SLAIN1: variants seen among roughly 807,000 people sequenced by gnomAD.
SLAIN1 encodes SLAIN family member 1, also known as SLAIN motif-containing protein 1.
Under a neutral mutation model 55.4 loss-of-function variants are expected in SLAIN1, and 17 were observed. The ratio of observed to expected loss-of-function variants is 0.31; its 90% CI spans 0.21 to 0.46. The LOEUF (loss-of-function observed/expected upper bound fraction) is 0.46. Among genes scored for constraint, SLAIN1 ranks in the 20% least tolerant of loss-of-function variants. The pLI, the probability that SLAIN1 is intolerant of heterozygous loss-of-function variation, is 1.00. For missense variants in SLAIN1, 682 were observed against 785.1 expected (o/e 0.87, Z 1.57); for synonymous variants, 348 against 337.4 (o/e 1.03, Z -0.35).
At chr13:77,700,578 T>C (rs1236961640) in intron 1 of SLAIN1, among the ~76,000 whole-genome samples, 1 of 152,212 alleles carries the variant, frequency 6.6e-6, no homozygotes, top group East Asian at 1.9e-4. Context: ...GCATTGCAAA[T>C]CTTTTTGATG....
At chr13:77,734,413 T>A (rs971004180) in intron 2 of SLAIN1, among the ~76,000 whole-genome samples, 3 of 152,204 alleles carry the variant, frequency 2.0e-5, no homozygotes, top group African/African-American at 7.2e-5. Flanking sequence ...AAGCAGGATT[T>A]GCTTCACTTA....
chr13:77,760,863 A>T lies in SLAIN1; in HGVS notation c.1450A>T (p.Ser484Cys). The T allele has an allele frequency of 1.9e-6, 3 of 1,614,044 alleles. No individual in the cohort carries two copies. The highest frequency in any genetic ancestry group is 8.5e-7 in the Non-Finnish European group (1 of 1,180,018). Residue 484 changes from serine to cysteine, a missense_variant, in exon 6 of 7, where the codon AGC (serine) becomes TGC (cysteine). By Grantham distance (112) the Ser-to-Cys change is moderately radical. Transcript: ENST00000418532. ...GGGACAGCTTCAACACAGGGTCCACAGCGTGGGGCATTTCCCAGTGTCTAT... is the reference window on the plus strand; with the variant it reads ...GGGACAGCTTCAACACAGGGTCCACTGCGTGGGGCATTTCCCAGTGTCTAT... ...SPGQLQHRVH[S>C]VGHFPVSIRQ...
At chr13:77,753,424 G>A in intron 5 of SLAIN1, 66 bp downstream of exon 5, 4 of 916,474 alleles carry the variant, frequency 4.4e-6, no homozygotes, top group Non-Finnish European at 5.7e-6. Context: ...ATTTTTAATT[G>A]TAAGGAAAAT....
chr13:77,735,503 T>A (rs1416080498), intron 2 of SLAIN1, among the ~76,000 whole-genome samples: 1 of 152,184 alleles, frequency 6.6e-6, no homozygotes, highest in Non-Finnish European at 1.5e-5. Flanking sequence ...TATCTGTTTT[T>A]CTGCCTGTTC....
intron 2 of SLAIN1, among the ~76,000 whole-genome samples, chr13:77,728,096 G>T (rs1161690567): frequency 6.6e-6 from 1 of 152,082 alleles, no homozygotes; most frequent in Non-Finnish European, 1.5e-5. Flanking sequence ...AATCTCTTTA[G>T]TTGGTTGTTT....
chr13:77,714,351 C>G (rs1220791814), intron 1 of SLAIN1, among the ~76,000 whole-genome samples: 1 of 152,062 alleles, frequency 6.6e-6, no homozygotes, highest in East Asian at 1.9e-4. Context: ...GTGGGTCACA[C>G]CTGTAATCCC....
intron 2 of SLAIN1, chr13:77,743,600 T>C (rs1873605142): frequency 6.5e-6 from 1 of 153,200 alleles, no homozygotes; most frequent in Non-Finnish European, 1.5e-5. Context: ...CATTTTCTTA[T>C]TTTTCTCAGC....
At position 77,748,398 on chromosome 13, in the gene SLAIN1, C is replaced by CTTT. The variant is rs934265928; in HGVS notation, c.1258+1567_1258+1569dup. The stretch of plus-strand genomic sequence containing the variant: ...GGCACCTAGAGTTATTTCTCTAAAG[C>CTTT]TTTTTTTTTTTTTTTTTTTTTTTTT... On this transcript the variant is annotated intron_variant, in intron 4 of 6. Transcript: ENST00000418532. Among the ~76,000 whole-genome samples, 626 of 79,516 alleles carry CTTT rather than the reference C, an allele frequency of 7.9e-3. 25 individuals are homozygous for CTTT. The highest frequency in any genetic ancestry group is 0.03 in the African/African-American group (585 of 19,344). 52.2% of individuals were successfully genotyped at this position (79,516 alleles called of 152,430 possible). A position where few individuals can be genotyped will look rare whatever the true frequency, so the allele number is the denominator to read the frequency against.
intron 1 of SLAIN1, among the ~76,000 whole-genome samples, chr13:77,718,285 A>C (rs1208226496): frequency 6.6e-6 from 1 of 152,136 alleles, no homozygotes; most frequent in Non-Finnish European, 1.5e-5. Context: ...TGTGAAAACT[A>C]TGGGAAATTC....
intron 4 of SLAIN1, among the ~76,000 whole-genome samples, chr13:77,752,230 C>T (rs1233599441): frequency 6.8e-6 from 1 of 147,992 alleles, no homozygotes; most frequent in African/African-American, 2.5e-5. Flanking sequence ...TTAATTTGTT[C>T]CATTTTGATA....
intron 1 of SLAIN1, among the ~76,000 whole-genome samples, chr13:77,716,117 AGTTTT>A (rs972013424): frequency 5.3e-5 from 8 of 151,254 alleles, no homozygotes; most frequent in African/African-American, 1.2e-4. Context: ...TGTGGATCAA[AGTTTT>A]GTTTTTTTTT....
At chr13:77,758,231 A>G (rs972223130) in intron 5 of SLAIN1, among the ~76,000 whole-genome samples, 2 of 152,042 alleles carry the variant, frequency 1.3e-5, no homozygotes, top group African/African-American at 4.8e-5. Flanking sequence ...TCTTTTTTTG[A>G]GAAATGTCAA....
At chr13:77,761,948 A>G (rs563080989) in intron 6 of SLAIN1, among the ~76,000 whole-genome samples, 2 of 152,346 alleles carry the variant, frequency 1.3e-5, no homozygotes, top group African/African-American at 4.8e-5. Flanking sequence ...GGAGAAAACC[A>G]TAGTAAAAAG....
In SLAIN1 at chr13:77,748,398, C is replaced by CTTTTT. The variant is rs934265928; in HGVS notation, c.1258+1565_1258+1569dup. Among the ~76,000 whole-genome samples the CTTTTT allele has an allele frequency of 7.0e-4, 56 of 79,546 alleles. 1 individual carries two copies. Among genetic ancestry groups the CTTTTT allele is most frequent in the African/African-American group, 1.8e-3 (34 of 19,358 alleles). 52.2% of individuals were successfully genotyped at this position (79,546 alleles called of 152,430 possible). On this transcript the variant is annotated intron_variant, in intron 4 of 6. Coordinates refer to ENST00000418532, the MANE Select transcript of SLAIN1 (RefSeq NM_001242868.2). ...GGCACCTAGAGTTATTTCTCTAAAG[C>CTTTTT]TTTTTTTTTTTTTTTTTTTTTTTTT... is the stretch of plus-strand genomic sequence containing the variant.
intron 4 of SLAIN1, among the ~76,000 whole-genome samples, chr13:77,748,912 A>C (rs1276961701): frequency 6.6e-6 from 1 of 152,160 alleles, no homozygotes; most frequent in Admixed American, 6.6e-5. Context: ...CATTTTCTCC[A>C]CCTAAATATA....
At chr13:77,723,911 T>C (rs935068305) in intron 2 of SLAIN1, among the ~76,000 whole-genome samples, 7 of 139,378 alleles carry the variant, frequency 5.0e-5, no homozygotes, top group Non-Finnish European at 7.7e-5. Context: ...TTTGTTGCTG[T>C]TGTTCTACTT....
At chr13:77,752,688 C>A (rs1235444743) in intron 4 of SLAIN1, among the ~76,000 whole-genome samples, 1 of 152,140 alleles carries the variant, frequency 6.6e-6, no homozygotes, top group Non-Finnish European at 1.5e-5. Flanking sequence ...TGGCCAAAGG[C>A]CTGAGAGATC....
At chr13:77,699,253 A>ATTTT (rs908909911) in intron 1 of SLAIN1, 2 of 366,264 alleles carry the variant, frequency 5.5e-6, no homozygotes, top group African/African-American at 4.1e-5. Context: ...TTATTTATTT[A>ATTTT]TTTTTTTACC....
At chr13:77,739,820 T>C (rs924603369) in intron 2 of SLAIN1, among the ~76,000 whole-genome samples, 5 of 152,084 alleles carry the variant, frequency 3.3e-5, no homozygotes, top group Non-Finnish European at 7.4e-5. Flanking sequence ...TCGAATCTAG[T>C]TTTTTTGGTC....
Sources: gnomAD v4.1 joint callset for allele counts (sites outside exome capture counted in the v4.1 genomes callset) on GRCh38, gnomAD v4.1.1 for gene constraint, MANE v1.5 for transcripts, NCBI Gene and HGNC (gene_info 2026-07-23, HGNC 2026-07-21) for gene names.